SEC24B: variants seen among roughly 807,000 people sequenced by gnomAD.
The protein encoded by SEC24B is protein transport protein Sec24B.
SEC24B carries 45 observed loss-of-function variants against 142.8 expected under a neutral mutation model. The observed-to-expected ratio is 0.32, with a 90% CI of 0.25 to 0.40. The LOEUF (loss-of-function observed/expected upper bound fraction) is 0.40. Ranked by LOEUF, SEC24B falls within the 10% of genes least tolerant of loss-of-function variation. The pLI, the probability that SEC24B is intolerant of heterozygous loss-of-function variation, is 1.00. For synonymous variants in SEC24B, 574 were observed against 568.2 expected, an observed-to-expected ratio of 1.01 and a Z score of -0.15; for missense variants, 1,409 against 1,526.8, an observed-to-expected ratio of 0.92 and a Z score of 1.29.
At chr4:109,451,860 G>A (rs115373601) in intron 1 of SEC24B, among the ~76,000 whole-genome samples, 2,240 of 152,086 alleles carry the variant, frequency 0.015, 37 homozygotes, top group African/African-American at 0.038. Flanking sequence ...ATTCAGTTAG[G>A]TTATCATACA....
intron 3 of SEC24B, among the ~76,000 whole-genome samples, chr4:109,477,596 G>A (rs1359803377): frequency 6.6e-6 from 1 of 152,078 alleles, no homozygotes; most frequent in Admixed American, 6.5e-5. Context: ...AAGGTGCTCA[G>A]ATTACAGGTG....
Position 109,509,992 on chromosome 4 carries a change from G to GT in SEC24B, c.1674-14dup. 1 of 1,504,780 alleles carries GT rather than the reference G, an allele frequency of 6.6e-7. No homozygotes were observed. 93.2% of individuals were successfully genotyped at this position (1,504,780 alleles called of 1,614,324 possible). ...TCTGATAGCTAATATCCTCCATGTT[G>GT]TTTATGTTTTTTGCAGTTCATTTCG... is the stretch of plus-strand genomic sequence containing the variant. On this transcript the variant is annotated splice_polypyrimidine_tract_variant and intron_variant, in intron 7 of 23. Coordinates refer to ENST00000265175, the MANE Select transcript of SEC24B (RefSeq NM_006323.5).
At chr4:109,445,438 G>A (rs541171666) in intron 1 of SEC24B, among the ~76,000 whole-genome samples, 3 of 139,002 alleles carry the variant, frequency 2.2e-5, no homozygotes, top group South Asian at 4.5e-4. Flanking sequence ...TGGATTTTTA[G>A]TAGAGATGGT....
At chr4:109,487,436 C>A (rs1734490332) in intron 4 of SEC24B, among the ~76,000 whole-genome samples, 1 of 152,058 alleles carries the variant, frequency 6.6e-6, no homozygotes, top group Non-Finnish European at 1.5e-5. Flanking sequence ...GGTAAAGGGA[C>A]AGGTGAGAGA....
At chr4:109,539,443 T>G in intron 23 of SEC24B, 118 bp from the exon 24 acceptor site, 3 of 675,952 alleles carry the variant, frequency 4.4e-6, no homozygotes, top group Non-Finnish European at 7.8e-6. Context: ...AAATATGCAC[T>G]TTTATTTTAT....
At chr4:109,516,977 C>T (rs1723004033) in intron 11 of SEC24B, among the ~76,000 whole-genome samples, 1 of 152,028 alleles carries the variant, frequency 6.6e-6, no homozygotes, top group Admixed American at 6.6e-5. Flanking sequence ...CAAAAGATAA[C>T]ATGTTGGTGA....
At chr4:109,478,586 C>T (rs568061614) in intron 3 of SEC24B, among the ~76,000 whole-genome samples, 4 of 152,236 alleles carry the variant, frequency 2.6e-5, no homozygotes, top group South Asian at 4.1e-4. Flanking sequence ...TAGTAACTTG[C>T]TCAAGGACAT....
At chr4:109,451,824 A>G (rs1028861842) in intron 1 of SEC24B, among the ~76,000 whole-genome samples, 11 of 152,316 alleles carry the variant, frequency 7.2e-5, no homozygotes, top group African/African-American at 1.2e-4. Flanking sequence ...TTTTGTGTCT[A>G]TCTGTATCTG....
Position 109,538,498 on chromosome 4 carries a change from T to A in SEC24B, c.3594T>A (p.His1198Gln), listed in dbSNP as rs756546107. ...AATTGTATTTCTTTTACCAGACACA[T>A]CTTCCAGAGCTAGATACACTTTCAT... The part of the protein sequence containing the change: ...NFASIPQKMT[H>Q]LPELDTLSSE... The change falls in exon 23 of 24, where the codon CAT (histidine) becomes CAA (glutamine). Residue 1198 changes from histidine to glutamine, a missense_variant. By Grantham distance (24) the His-to-Gln change is conservative (BLOSUM62 0). Transcript: ENST00000265175. The A allele has an allele frequency of 8.1e-6, 13 of 1,608,916 alleles. No individual in the cohort carries two copies. In the South Asian group the frequency reaches 1.4e-4, roughly 18 times the overall value.
chr4:109,508,092 T>C (rs1403642523), intron 7 of SEC24B, among the ~76,000 whole-genome samples: 5 of 152,164 alleles, frequency 3.3e-5, no homozygotes, highest in Non-Finnish European at 7.4e-5. Context: ...CACTGTACCA[T>C]CCACACACCA....
intron 6 of SEC24B, among the ~76,000 whole-genome samples, chr4:109,505,540 C>T (rs1156657318): frequency 6.6e-6 from 1 of 152,132 alleles, no homozygotes; most frequent in Admixed American, 6.5e-5. Context: ...AACGTGGACT[C>T]ATTATTTGCT....
chr4:109,502,148 T>C (rs955883855), intron 6 of SEC24B, among the ~76,000 whole-genome samples: 1 of 152,160 alleles, frequency 6.6e-6, no homozygotes, highest in Non-Finnish European at 1.5e-5. Context: ...TAAACTGATA[T>C]GCAAAGACTT....
chr4:109,451,931 T>A (rs114193837), intron 1 of SEC24B, among the ~76,000 whole-genome samples: 3 of 152,208 alleles, frequency 2.0e-5, no homozygotes, highest in Admixed American at 6.5e-5. Context: ...TTTCTTGATA[T>A]CCTGGTTGAT....
chr4:109,439,545 C>A (rs1351957953), intron 1 of SEC24B, among the ~76,000 whole-genome samples: 1 of 109,126 alleles, frequency 9.2e-6, no homozygotes, highest in African/African-American at 3.6e-5. Flanking sequence ...TCTTGTTGAC[C>A]AGGCTGGAAT....
At chr4:109,437,915 G>T (rs964630139) in intron 1 of SEC24B, among the ~76,000 whole-genome samples, 2 of 152,196 alleles carry the variant, frequency 1.3e-5, no homozygotes, top group South Asian at 2.1e-4. Flanking sequence ...GAGCCACCGT[G>T]CCTGGCCCAC....
intron 1 of SEC24B, among the ~76,000 whole-genome samples, chr4:109,459,180 G>T (rs949623510): frequency 2.0e-5 from 3 of 152,122 alleles, no homozygotes; most frequent in African/African-American, 7.2e-5. Flanking sequence ...AATAAATGTG[G>T]AAGAAAACTG....
At chr4:109,457,077 T>C (rs1278957944) in intron 1 of SEC24B, among the ~76,000 whole-genome samples, 1 of 150,836 alleles carries the variant, frequency 6.6e-6, no homozygotes, top group South Asian at 2.1e-4. Context: ...AAGGCAAATA[T>C]CATCTTAGTA....
intron 14 of SEC24B, 110 bp downstream of exon 14, chr4:109,521,736 T>G: frequency 2.2e-6 from 2 of 913,892 alleles, no homozygotes; most frequent in Non-Finnish European, 3.2e-6. Flanking sequence ...TTGTTTGTTT[T>G]TTGTTTCTTT....
At chr4:109,480,252 C>A (rs564188380) in intron 3 of SEC24B, among the ~76,000 whole-genome samples, 2 of 151,134 alleles carry the variant, frequency 1.3e-5, no homozygotes, top group African/African-American at 2.4e-5. Flanking sequence ...TTTATCCATG[C>A]TAATCAAGTA....
Sources: gnomAD v4.1 joint callset for allele counts (sites outside exome capture counted in the v4.1 genomes callset) on GRCh38, gnomAD v4.1.1 for gene constraint, MANE v1.5 for transcripts, NCBI Gene and HGNC (gene_info 2026-07-23, HGNC 2026-07-21) for gene names.